Variants in CLPB observed in about 807,000 individuals in gnomAD.
CLPB encodes ClpB family mitochondrial disaggregase.
Under a neutral mutation model 78.4 loss-of-function variants are expected in CLPB, and 40 were observed. The observed-to-expected ratio is 0.51, with a 90% CI of 0.40 to 0.66. CLPB has a LOEUF of 0.66. Among genes scored for constraint, CLPB ranks in the 30% least tolerant of loss-of-function variants. The pLI is 0.00. For missense variants in CLPB, 780 were observed against 886.9 expected, an observed-to-expected ratio of 0.88 and a Z score of 1.53; for synonymous variants, 333 against 348.0, an observed-to-expected ratio of 0.96 and a Z score of 0.48.
At chr11:72,298,294 G>T (rs1367923078) in intron 11 of CLPB, among the ~76,000 whole-genome samples, 1 of 152,154 alleles carries the variant, frequency 6.6e-6, no homozygotes, top group African/African-American at 2.4e-5. Flanking sequence ...CACACCTCCA[G>T]CCTGGATTAG....
At chr11:72,325,908 T>C (rs902340204) in intron 6 of CLPB, among the ~76,000 whole-genome samples, 18 of 152,164 alleles carry the variant, frequency 1.2e-4, no homozygotes, top group Admixed American at 6.5e-5. Context: ...GTCAACCACA[T>C]TTTTTACAAA....
chr11:72,419,420 G>C (rs1431373255), intron 2 of CLPB, among the ~76,000 whole-genome samples: 1 of 152,170 alleles, frequency 6.6e-6, no homozygotes. Flanking sequence ...AAGCAGGAAG[G>C]CACTCACATT....
At chr11:72,380,136 C>T in intron 4 of CLPB, 145 bp downstream of exon 4, 1 of 634,958 alleles carries the variant, frequency 1.6e-6, no homozygotes, top group Non-Finnish European at 2.8e-6. Flanking sequence ...CTGTTCCAAG[C>T]CCTTTGGGGT....
At position 72,306,661 on chromosome 11, in the gene CLPB, A is replaced by C. The variant is rs1185801742; in HGVS notation, c.1122+538T>G. Among the ~76,000 whole-genome samples, 3 of 152,210 alleles carry C rather than the reference A, an allele frequency of 2.0e-5. No homozygotes were observed. In the East Asian group the frequency reaches 5.8e-4, roughly 29 times the overall value. On this transcript the variant is annotated intron_variant, in intron 9 of 15. Transcript: ENST00000538039. ...ACTATAAGTATCCCAGGCTCAAGAC[A>C]TAAGAAACCATGTTTAAAAGCTCAT...
intron 2 of CLPB, among the ~76,000 whole-genome samples, chr11:72,420,802 G>C (rs538780399): frequency 6.6e-6 from 1 of 152,192 alleles, no homozygotes; most frequent in African/African-American, 2.4e-5. Context: ...GAAGTTTCTG[G>C]TAAAGCCCCG....
rs780466618 is a variant in CLPB at position 72,434,346 on chromosome 11, C to G, written c.129G>C (p.Gly43=). The change falls in exon 1 of 16, where the codon GGG becomes GGC. Residue 43 remains glycine, a synonymous_variant. Transcript: ENST00000538039. The part of the protein sequence containing the change: ...SGRNVTTGSL[G]EPQWLRVATG... ...TGGCTACCCTCAGCCACTGCGGCTC[C>G]CCGAGACTCCCAGTAGTCACATTCC... The G allele has an allele frequency of 6.2e-7, 1 of 1,612,046 alleles. No homozygotes were observed. The highest frequency in any genetic ancestry group is 1.1e-5 in the South Asian group (1 of 91,008).
chr11:72,423,722 T>C (rs1395651563), intron 2 of CLPB, among the ~76,000 whole-genome samples: 1 of 152,234 alleles, frequency 6.6e-6, no homozygotes, highest in Non-Finnish European at 1.5e-5. Context: ...TCCTCAACGG[T>C]TGCCCATGCT....
chr11:72,405,785 G>A (rs1411992840), intron 2 of CLPB, among the ~76,000 whole-genome samples: 12 of 152,058 alleles, frequency 7.9e-5, no homozygotes, highest in Non-Finnish European at 1.0e-4. Flanking sequence ...AAAATTAGCC[G>A]GGCGTGGTGG....
chr11:72,408,027 T>G (rs751575973), intron 2 of CLPB: 4 of 1,010,870 alleles, frequency 4.0e-6, no homozygotes, highest in Non-Finnish European at 6.0e-6. Flanking sequence ...CCAATGAGGA[T>G]CACAATCCTC....
At chr11:72,408,405 T>C (rs1032066612) in intron 2 of CLPB, among the ~76,000 whole-genome samples, 18 of 152,196 alleles carry the variant, frequency 1.2e-4, no homozygotes, top group Non-Finnish European at 2.1e-4. Context: ...CGGTGGCTCA[T>C]GCCTGTAATC....
chr11:72,308,846 T>A (rs1188848619), intron 7 of CLPB, among the ~76,000 whole-genome samples: 1 of 152,100 alleles, frequency 6.6e-6, no homozygotes, highest in Admixed American at 6.5e-5. Context: ...TTTTCCAGGA[T>A]GAGCACTCAG....
intron 12 of CLPB, 125 bp downstream of exon 12, chr11:72,295,367 T>C (rs749676349): frequency 9.3e-6 from 9 of 963,700 alleles, no homozygotes; most frequent in Non-Finnish European, 1.2e-5. Context: ...CTGCTCAGTG[T>C]CAGCTAGGGA....
intron 2 of CLPB, among the ~76,000 whole-genome samples, chr11:72,422,253 A>G (rs1226362550): frequency 1.4e-5 from 2 of 143,458 alleles, no homozygotes; most frequent in Non-Finnish European, 1.5e-5. Context: ...GTGACAGAGC[A>G]AGACTCCGTC....
chr11:72,307,078 C>G lies in CLPB; in HGVS notation c.1122+121G>C, dbSNP rs75600573. Reference sequence around the variant, plus strand: ...TGGGGCCAGAGCTGAGGTCTGCTTCCTGGGTCAGGGCCCATCTTTTTGATT... The same window carrying G: ...TGGGGCCAGAGCTGAGGTCTGCTTCGTGGGTCAGGGCCCATCTTTTTGATT... On this transcript the variant is annotated intron_variant, in intron 9 of 15. Coordinates refer to ENST00000538039, the MANE Select transcript of CLPB (RefSeq NM_001258392.3). 6.0e-4 allele frequency: 517 copies of G among 863,080 alleles called. 9 individuals carry two copies. In the East Asian group the frequency reaches 0.013, roughly 22 times the overall value. The allele number at this position is 863,080 out of a possible 1,614,324, so 53.5% of individuals were successfully genotyped here.
intron 4 of CLPB, among the ~76,000 whole-genome samples, chr11:72,377,692 G>T (rs1854757248): frequency 6.6e-6 from 1 of 151,358 alleles, no homozygotes; most frequent in East Asian, 1.9e-4. Flanking sequence ...GAAGGGGAAG[G>T]GAAAGGGAAG....
chr11:72,359,332 C>T, intron 4 of CLPB: 1 of 418,510 alleles, frequency 2.4e-6, no homozygotes, highest in South Asian at 2.0e-5. Flanking sequence ...GATAAATGCT[C>T]TGTTAGAGGT....
At chr11:72,339,905 C>T (rs771316109) in intron 5 of CLPB, among the ~76,000 whole-genome samples, 2 of 152,226 alleles carry the variant, frequency 1.3e-5, no homozygotes, top group Non-Finnish European at 2.9e-5. Flanking sequence ...CTTGCTTAAA[C>T]TTACTACTGG....
At chr11:72,295,306 G>T (rs1179939482) in intron 12 of CLPB, among the ~76,000 whole-genome samples, 186 bp downstream of exon 12, 3 of 152,160 alleles carry the variant, frequency 2.0e-5, no homozygotes, top group Non-Finnish European at 2.9e-5. Context: ...TTGAAGTGGG[G>T]TCTCTGTCTC....
chr11:72,337,363 C>T (rs536950690), intron 5 of CLPB, among the ~76,000 whole-genome samples: 5 of 148,428 alleles, frequency 3.4e-5, no homozygotes, highest in East Asian at 4.0e-4. Context: ...GTGCTGACAA[C>T]GGCCATGGAT....
Sources: gnomAD v4.1 joint callset for allele counts (sites outside exome capture counted in the v4.1 genomes callset) on GRCh38, gnomAD v4.1.1 for gene constraint, MANE v1.5 for transcripts, NCBI Gene and HGNC (gene_info 2026-07-23, HGNC 2026-07-21) for gene names.